The following CMAS variants were observed in gnomAD, a reference collection of about 807,000 sequenced individuals.
CMAS encodes the protein N-acylneuraminate cytidylyltransferase.
In CMAS, 21 loss-of-function variants were observed where a neutral mutation model predicts 53.4. The ratio of observed to expected loss-of-function variants is 0.39; its 90% CI spans 0.28 to 0.57. The LOEUF is 0.57. CMAS is among the 20% of genes least tolerant of loss of function. The pLI is 0.56. For missense variants in CMAS, 384 were observed against 534.9 expected (o/e 0.72, Z 2.78); for synonymous variants, 189 against 195.2 (o/e 0.97, Z 0.27).
At chr12:22,048,767 A>G (rs538613019) in intron 1 of CMAS, among the ~76,000 whole-genome samples, 5 of 152,168 alleles carry the variant, frequency 3.3e-5, no homozygotes, top group Admixed American at 1.3e-4. Flanking sequence ...CTGGGAAGAT[A>G]AAGGGCAAAG....
At chr12:22,064,201 T>G (rs908349902) in intron 7 of CMAS, among the ~76,000 whole-genome samples, 1 of 152,122 alleles carries the variant, frequency 6.6e-6, no homozygotes, top group Non-Finnish European at 1.5e-5. Flanking sequence ...CTATTGTATG[T>G]GGTCTAAAGT....
chr12:22,060,333 T>TAAAAAAAAAAAAAAAAAAA lies in CMAS; in HGVS notation c.694-490_694-472dup, dbSNP rs58755366. Among the ~76,000 whole-genome samples, 36 of 54,140 alleles carry TAAAAAAAAAAAAAAAAAAA rather than the reference T, an allele frequency of 6.6e-4. 3 individuals carry two copies. Among genetic ancestry groups the TAAAAAAAAAAAAAAAAAAA allele is most frequent in the Non-Finnish European group, 1.0e-3 (30 of 28,762 alleles). The allele number at this position is 54,140 out of a possible 152,430, so 35.5% of individuals were successfully genotyped here. A position where few individuals can be genotyped will look rare whatever the true frequency, so the allele number is the denominator to read the frequency against. On this transcript the variant is annotated intron_variant, in intron 4 of 7. Coordinates refer to ENST00000229329, the MANE Select transcript of CMAS (RefSeq NM_018686.6). ...ATTTCTTTTGTGTGAGCTTTCTCCT[T>TAAAAAAAAAAAAAAAAAAA]AAAAAAAAAAAAAAAAAAAAAAAAA...
chr12:22,064,507 A>T (rs1242458740), intron 7 of CMAS, among the ~76,000 whole-genome samples: 1 of 152,144 alleles, frequency 6.6e-6, no homozygotes, highest in Non-Finnish European at 1.5e-5. Context: ...CTATAAAAGG[A>T]CAATTTTGAG....
intron 1 of CMAS, among the ~76,000 whole-genome samples, chr12:22,053,510 AAT>A (rs35771301): frequency 0.08 from 11,673 of 146,740 alleles, 511 homozygotes; most frequent in Middle Eastern, 0.14. Flanking sequence ...ATACACACCA[AAT>A]ATATATATAT....
intron 1 of CMAS, among the ~76,000 whole-genome samples, chr12:22,054,651 T>C (rs945295365): frequency 1.3e-5 from 2 of 151,856 alleles, no homozygotes; most frequent in Admixed American, 1.3e-4. Context: ...TATTAAAATA[T>C]TTTATACAAT....
chr12:22,053,342 G>A (rs1398276810), intron 1 of CMAS, among the ~76,000 whole-genome samples: 2 of 150,858 alleles, frequency 1.3e-5, no homozygotes, highest in South Asian at 4.3e-4. Context: ...TATCGAAAGA[G>A]TGGGATAAAA....
intron 1 of CMAS, among the ~76,000 whole-genome samples, chr12:22,049,732 C>G (rs976611949): frequency 3.3e-5 from 5 of 152,178 alleles, no homozygotes; most frequent in African/African-American, 9.6e-5. Context: ...TGGCGAAACC[C>G]CATCTCTACC....
At chr12:22,064,070 C>T (rs1278596769) in intron 7 of CMAS, 1 of 151,938 alleles carries the variant, frequency 6.6e-6, no homozygotes, top group Non-Finnish European at 1.5e-5. Flanking sequence ...TATGCAAATA[C>T]TAACTTTTTT....
At chr12:22,060,990 G>A in intron 5 of CMAS, 64 bp downstream of exon 5, 1 of 999,056 alleles carries the variant, frequency 1.0e-6, no homozygotes. Context: ...TCTAGATACT[G>A]ATTTCTGATA....
At chr12:22,052,317 C>T (rs1377330512) in intron 1 of CMAS, among the ~76,000 whole-genome samples, 1 of 152,116 alleles carries the variant, frequency 6.6e-6, no homozygotes, top group Non-Finnish European at 1.5e-5. Flanking sequence ...TGTCCAGAAT[C>T]GTGCCTGGGA....
chr12:22,054,007 A>G (rs2138181401), intron 1 of CMAS, among the ~76,000 whole-genome samples: 1 of 150,904 alleles, frequency 6.6e-6, no homozygotes, highest in South Asian at 2.1e-4. Context: ...GCTCACTGCA[A>G]CCTCTGCCTC....
At chr12:22,060,679 T>A in intron 4 of CMAS, 153 bp from the exon 5 acceptor site, 1 of 533,104 alleles carries the variant, frequency 1.9e-6, no homozygotes, top group Non-Finnish European at 3.3e-6. Flanking sequence ...TAAAAATAAA[T>A]TTAAAAATCA....
chr12:22,058,956 C>T (rs1004658524), intron 4 of CMAS, among the ~76,000 whole-genome samples: 3 of 151,958 alleles, frequency 2.0e-5, no homozygotes, highest in Admixed American at 2.0e-4. Flanking sequence ...TACTGGGTGT[C>T]TACACATGTC....
Position 22,046,369 on chromosome 12 carries a change from C to T in CMAS, c.66C>T (p.Gly22=), listed in dbSNP as rs962247458. 3.2e-6 allele frequency: 5 copies of T among 1,554,362 alleles called. No homozygotes were observed. Among genetic ancestry groups the T allele is most frequent in the Non-Finnish European group, 4.3e-6 (5 of 1,150,494 alleles). The change falls in exon 1 of 8, where the codon GGC becomes GGT. Residue 22 remains glycine (G), a synonymous_variant. Coordinates refer to ENST00000229329, the MANE Select transcript of CMAS (RefSeq NM_018686.6). ...VSNPRGRPSR[G]RPPKLQRNSR... The stretch of plus-strand genomic sequence containing the variant: ...ACCCGCGGGGGCGACCGTCCCGGGG[C>T]CGGCCGCCGAAGCTGCAGCGCAACT...
intron 1 of CMAS, among the ~76,000 whole-genome samples, chr12:22,052,094 C>G (rs1950241615): frequency 1.3e-5 from 2 of 152,148 alleles, no homozygotes; most frequent in African/African-American, 4.8e-5. Context: ...TTCAACAGAT[C>G]TATATTGAGC....
At chr12:22,060,809 C>T in intron 4 of CMAS, 23 bp from the exon 5 acceptor site, 4 of 1,338,774 alleles carry the variant, frequency 3.0e-6, no homozygotes, top group Non-Finnish European at 4.3e-6. Flanking sequence ...AAACAGTATT[C>T]ATGACATTTA....
chr12:22,059,038 G>A (rs1950289220), intron 4 of CMAS, among the ~76,000 whole-genome samples: 1 of 151,468 alleles, frequency 6.6e-6, no homozygotes, highest in Non-Finnish European at 1.5e-5. Flanking sequence ...TGGCTGTAGG[G>A]TTGAATAACT....
chr12:22,047,722 T>C (rs545104554), intron 1 of CMAS, among the ~76,000 whole-genome samples: 7 of 152,190 alleles, frequency 4.6e-5, no homozygotes, highest in Non-Finnish European at 1.0e-4. Flanking sequence ...TTTTGTTCAA[T>C]TCAGTAGCTA....
intron 1 of CMAS, among the ~76,000 whole-genome samples, chr12:22,049,012 A>G (rs753906510): frequency 2.0e-5 from 3 of 152,182 alleles, no homozygotes; most frequent in Non-Finnish European, 4.4e-5. Flanking sequence ...TCCCTGTTGC[A>G]GTAGTAACAG....
Sources: allele counts gnomAD v4.1 joint callset (sites outside exome capture counted in the v4.1 genomes callset), GRCh38; gene constraint gnomAD v4.1.1; transcripts MANE v1.5; gene names NCBI Gene and HGNC (gene_info 2026-07-23, HGNC 2026-07-21).